LILRA1: variants seen among roughly 807,000 people sequenced by gnomAD.
LILRA1 encodes leukocyte immunoglobulin like receptor A1, also known as leukocyte immunoglobulin-like receptor subfamily A member 1.
Under a neutral mutation model 51.6 loss-of-function variants are expected in LILRA1, and 51 were observed. The ratio of observed to expected loss-of-function variants is 0.99; its 90% CI spans 0.79 to 1.25. The LOEUF is 1.25. LILRA1 is among the 50% of genes most tolerant of loss of function. The probability of loss-of-function intolerance (pLI) is 0.00; values close to 1 mark genes in which losing one functional copy is unlikely to be tolerated. For missense variants in LILRA1, 660 were observed against 611.7 expected, an observed-to-expected ratio of 1.08 and a Z score of -0.83; for synonymous variants, 305 against 248.4, an observed-to-expected ratio of 1.23 and a Z score of -2.14.
At position 54,595,182 on chromosome 19, in the gene LILRA1, A is replaced by T; in HGVS notation, c.441A>T (p.Ser147=). The change falls in exon 5 of 10, where the codon TCA becomes TCT. Residue 147 remains serine (S), a synonymous_variant. Transcript: ENST00000251372. ...SGGNVTLHCV[S]QVAFGSFILC... ...GGAACGTGACCCTCCATTGTGTCTC[A>T]CAGGTGGCATTTGGCAGCTTCATTC... 1 of 1,614,058 alleles carries T rather than the reference A, an allele frequency of 6.2e-7. No homozygotes were observed. The highest frequency in any genetic ancestry group is 1.3e-5 in the African/African-American group (1 of 75,006).
In LILRA1 at chr19:54,600,660, T is replaced by G. The variant is rs73612463; in HGVS notation, c.1352-39T>G. On this transcript the variant is annotated intron_variant, in intron 9 of 9. Coordinates refer to ENST00000251372, the MANE Select transcript of LILRA1 (RefSeq NM_006863.4). ...CCAGAGGTCCTGGGTGAAGTTGATCTGCCCTGACCTCTGTGACCTCTTTGC... is the reference window on the plus strand; with the variant it reads ...CCAGAGGTCCTGGGTGAAGTTGATCGGCCCTGACCTCTGTGACCTCTTTGC... The G allele has an allele frequency of 4.8e-3, 7,720 of 1,612,976 alleles. 325 individuals carry two copies. The African/African-American group carries it at 0.09, about 19-fold the overall frequency.
At chr19:54,596,753 G>A (rs2063067471) in intron 7 of LILRA1, among the ~76,000 whole-genome samples, 1 of 152,174 alleles carries the variant, frequency 6.6e-6, no homozygotes, top group African/African-American at 2.4e-5. Context: ...TGTAGTCCCA[G>A]GTACTCGGGA....
rs111606492 is a variant in LILRA1 at position 54,594,504 on chromosome 19, C to A, written c.70+28C>A. The stretch of plus-strand genomic sequence containing the variant: ...GAGTCTGTCCCCAGCTCTCCCAGGT[C>A]CCTCCTCCTCACTGGGGACAAGGGG... On this transcript the variant is annotated intron_variant, in intron 3 of 9. Transcript: ENST00000251372. 37,160 of 1,613,920 alleles carry A rather than the reference C, an allele frequency of 0.023. 250 individuals are homozygous for A. Among genetic ancestry groups the A allele is most frequent in the Non-Finnish European group, 0.028 (32,539 of 1,179,876 alleles).
At position 54,595,157 on chromosome 19, in the gene LILRA1, G is replaced by A; in HGVS notation, c.416G>A (p.Gly139Glu). 7 of 1,613,988 alleles carry A rather than the reference G, an allele frequency of 4.3e-6. No homozygotes were observed. Among genetic ancestry groups the A allele is most frequent in the Non-Finnish European group, 5.9e-6 (7 of 1,179,978 alleles). Reference protein sequence around the residue: ...ALPSPVVTSGGNVTLHCVSQV... With the variant: ...ALPSPVVTSGENVTLHCVSQV... ...CCCAGCCCTGTGGTGACCTCAGGAG[G>A]GAACGTGACCCTCCATTGTGTCTCA... The change falls in exon 5 of 10, where the codon GGG (glycine) becomes GAG (glutamate). Residue 139 changes from glycine (G) to glutamate (E), a missense_variant. By Grantham distance (98) the Gly-to-Glu change is moderately conservative. Transcript: ENST00000251372.
chr19:54,599,923 C>CATATAT (rs146364390), intron 8 of LILRA1, among the ~76,000 whole-genome samples: 1 of 150,668 alleles, frequency 6.6e-6, no homozygotes, highest in Non-Finnish European at 1.5e-5. Context: ...CTCCATTTAG[C>CATATAT]ATATATATAT....
rs970159262 is a variant in LILRA1, at chr19:54,601,281, G to A, written c.*464G>A. ...TGCTTCAGTAACTAAATCAATGGGA[G>A]AGTATCGGATTTCAACCAGGAAAAG... On this transcript the variant is annotated 3_prime_UTR_variant, in exon 10 of 10. Coordinates refer to ENST00000251372, the MANE Select transcript of LILRA1 (RefSeq NM_006863.4). 8 of 184,930 alleles carry A rather than the reference G, an allele frequency of 4.3e-5. No homozygotes were observed. The highest frequency in any genetic ancestry group is 1.9e-4 in the African/African-American group (8 of 42,218). 11.5% of individuals were successfully genotyped at this position (184,930 alleles called of 1,614,324 possible).
At chr19:54,595,570 G>C (rs556775722) in intron 5 of LILRA1, 69 bp from the exon 6 acceptor site, 294 of 1,550,282 alleles carry the variant, frequency 1.9e-4, no homozygotes, top group Non-Finnish European at 2.3e-4. Context: ...GTGAGGCCCC[G>C]GGGGAGAGGG....
intron 7 of LILRA1, 115 bp from the exon 8 acceptor site, chr19:54,599,121 A>G: frequency 1.6e-6 from 2 of 1,262,670 alleles, no homozygotes; most frequent in Non-Finnish European, 2.1e-6. Flanking sequence ...ATGTCTACCC[A>G]GGACACCCAC....
intron 8 of LILRA1, 28 bp downstream of exon 8, chr19:54,599,314 A>T (rs1435705694): frequency 1.9e-6 from 3 of 1,549,136 alleles, no homozygotes; most frequent in African/African-American, 2.7e-5. Flanking sequence ...TGCCGTGATG[A>T]CGCTGGGCAC....
Position 54,595,346 on chromosome 19 carries a change from C to G in LILRA1, c.605C>G (p.Ser202Trp), listed in dbSNP as rs773262426. ...RWSYRCYAYDSNSPHVWSLPS... is the reference protein window; with the variant it reads ...RWSYRCYAYDWNSPHVWSLPS... ...TCGTACAGGTGCTATGCTTATGACT[C>G]GAACTCTCCCCATGTGTGGTCTCTA... Residue 202 changes from serine (S) to tryptophan (W), a missense_variant, in exon 5 of 10, where the codon TCG (serine) becomes TGG (tryptophan). Coordinates refer to ENST00000251372, the MANE Select transcript of LILRA1 (RefSeq NM_006863.4). 18 of 1,613,938 alleles carry G rather than the reference C, an allele frequency of 1.1e-5. No individual in the cohort carries two copies. The highest frequency in any genetic ancestry group is 3.3e-5 in the South Asian group (3 of 91,086).
chr19:54,598,377 C>T (rs986602726), intron 7 of LILRA1, among the ~76,000 whole-genome samples: 5 of 151,974 alleles, frequency 3.3e-5, no homozygotes, highest in African/African-American at 1.2e-4. Flanking sequence ...TATTAAAAAT[C>T]GAGGTTTCCT....
chr19:54,593,751 C>A lies in LILRA1; in HGVS notation c.-79C>A. The A allele has an allele frequency of 4.9e-6, 4 of 815,368 alleles. No individual in the cohort carries two copies. Among genetic ancestry groups the A allele is most frequent in the Non-Finnish European group, 7.2e-6 (4 of 556,858 alleles). 50.5% of individuals were successfully genotyped at this position (815,368 alleles called of 1,614,324 possible). A position where few individuals can be genotyped will look rare whatever the true frequency, so the allele number is the denominator to read the frequency against. ...GCATGGACCTTGGTCTTCCCTGAAG[C>A]ATCTCCAGGGCTGGAGGGACGACTG... On this transcript the variant is annotated 5_prime_UTR_variant, in exon 1 of 10. Coordinates refer to ENST00000251372, the MANE Select transcript of LILRA1 (RefSeq NM_006863.4).
rs1282880492 is a variant in LILRA1, at chr19:54,600,940, C to G, written c.*123C>G. ...CAATTTAGGGCTGATGCTATCTGGA[C>G]TGTCTGCCAATCATTTTTAGAGGGA... is the stretch of plus-strand genomic sequence containing the variant. On this transcript the variant is annotated 3_prime_UTR_variant, in exon 10 of 10. Transcript: ENST00000251372. 4 of 1,065,198 alleles carry G rather than the reference C, an allele frequency of 3.8e-6. No individual in the cohort carries two copies. The highest frequency in any genetic ancestry group is 5.8e-6 in the Non-Finnish European group (4 of 692,732). 66.0% of individuals were successfully genotyped at this position (1,065,198 alleles called of 1,614,324 possible).
At chr19:54,594,543 G>C (rs1167809492) in intron 3 of LILRA1, 67 bp downstream of exon 3, 1 of 1,613,702 alleles carries the variant, frequency 6.2e-7, no homozygotes, top group African/African-American at 1.3e-5. Flanking sequence ...CCCCCGTGCA[G>C]CTGGGGATGG....
rs201107778 is a variant in LILRA1 at position 54,596,328 on chromosome 19, C to A, written c.1098C>A (p.Pro366=). ...CCAAGGCGGGAGCAGCTGATGCCCC[C>A]CTCCGTCTCAGATCAATACACGAAT... The part of the protein sequence containing the change: ...LLTKAGAADA[P]LRLRSIHEYP... Residue 366 remains proline, a synonymous_variant, in exon 7 of 10, where the codon CCC becomes CCA. Transcript: ENST00000251372. 1.2e-5 allele frequency: 20 copies of A among 1,608,308 alleles called. No homozygotes were observed. Among genetic ancestry groups the A allele is most frequent in the East Asian group, 8.9e-5 (4 of 44,808 alleles).
At position 54,594,249 on chromosome 19, in the gene LILRA1, C is replaced by T. The variant is rs747133191; in HGVS notation, c.5C>T (p.Thr2Ile). M[T>I]PIVTVLICLR... Reference sequence around the variant, plus strand: ...AGGGCAGTGGGAGGAGACGCTATGACCCCCATCGTCACAGTCCTGATCTGT... The same window carrying T: ...AGGGCAGTGGGAGGAGACGCTATGATCCCCATCGTCACAGTCCTGATCTGT... The change falls in exon 2 of 10, where the codon ACC (threonine) becomes ATC (isoleucine). Residue 2 changes from threonine (T) to isoleucine (I), a missense_variant. Physicochemically the swap from Thr to Ile is moderately conservative, Grantham distance 89 (BLOSUM62 -1). Transcript: ENST00000251372. 1.2e-6 allele frequency: 2 copies of T among 1,612,552 alleles called. No homozygotes were observed. Among genetic ancestry groups the T allele is most frequent in the Non-Finnish European group, 1.7e-6 (2 of 1,179,426 alleles).
At chr19:54,594,563 G>A in intron 3 of LILRA1, 87 bp downstream of exon 3, 1 of 1,613,332 alleles carries the variant, frequency 6.2e-7, no homozygotes, top group South Asian at 1.1e-5. Context: ...GGGAATAGCA[G>A]TTCTGGACTG....
At chr19:54,598,244 A>G (rs1306906435) in intron 7 of LILRA1, among the ~76,000 whole-genome samples, 1 of 152,072 alleles carries the variant, frequency 6.6e-6, no homozygotes, top group Non-Finnish European at 1.5e-5. Flanking sequence ...TTTTATTTCA[A>G]TTATATGAAC....
chr19:54,595,684 T>C lies in LILRA1; in HGVS notation c.707T>C (p.Val236Ala). Residue 236 changes from valine to alanine, a missense_variant, in exon 6 of 10, where the codon GTG (valine) becomes GCG (alanine). Coordinates refer to ENST00000251372, the MANE Select transcript of LILRA1 (RefSeq NM_006863.4). ...PSLSVQPGPI[V>A]APGESLTLQC... ...CTCTCAGTGCAGCCAGGTCCTATAG[T>C]GGCCCCTGGGGAGAGCCTGACCCTC... The C allele has an allele frequency of 6.2e-7, 1 of 1,613,924 alleles. No individual in the cohort carries two copies. The highest frequency in any genetic ancestry group is 8.5e-7 in the Non-Finnish European group (1 of 1,179,878).
Sources: allele counts gnomAD v4.1 joint callset (sites outside exome capture counted in the v4.1 genomes callset), GRCh38; gene constraint gnomAD v4.1.1; transcripts MANE v1.5; gene names NCBI Gene and HGNC (gene_info 2026-07-23, HGNC 2026-07-21).